The following NECAB1 variants were observed in gnomAD, a reference collection of about 807,000 sequenced individuals.
NECAB1 encodes the protein N-terminal EF-hand calcium binding protein 1.
Under a neutral mutation model 57.5 loss-of-function variants are expected in NECAB1, and 29 were observed. The observed-to-expected ratio is 0.50, with a 90% confidence interval of 0.38 to 0.69. The LOEUF (loss-of-function observed/expected upper bound fraction) is 0.69, where lower values mean the gene tolerates loss of function less well. Ranked by LOEUF, NECAB1 falls within the 30% of genes least tolerant of loss-of-function variation. The pLI, the probability that NECAB1 is intolerant of heterozygous loss-of-function variation, is 0.00. For missense variants in NECAB1, 372 were observed against 413.8 expected (o/e 0.90, Z 0.88); for synonymous variants, 142 against 147.7 (o/e 0.96, Z 0.28).
In NECAB1 at chr8:90,957,959, G is replaced by C. The variant is rs1474235148; in HGVS notation, c.*2447G>C. 1 of 151,248 alleles carries C rather than the reference G, an allele frequency of 6.6e-6. No homozygotes were observed. The highest frequency in any genetic ancestry group is 1.5e-5 in the Non-Finnish European group (1 of 67,608). The allele number at this position is 151,248 out of a possible 1,614,324, so 9.4% of individuals were successfully genotyped here. A position where few individuals can be genotyped will look rare whatever the true frequency, so the allele number is the denominator to read the frequency against. On this transcript the variant is annotated 3_prime_UTR_variant, in exon 13 of 13. Coordinates refer to ENST00000417640, the MANE Select transcript of NECAB1 (RefSeq NM_022351.5). ...AAAAAACAGTGAAAAAAAAAGTACT[G>C]GTTTAGGAGTTCAAAATTCAGTGAA...
rs1328162217 is a variant in NECAB1, at chr8:90,897,872, T to C, written c.357+16742T>C. On this transcript the variant is annotated intron_variant, in intron 5 of 12. Coordinates refer to ENST00000417640, the MANE Select transcript of NECAB1 (RefSeq NM_022351.5). ...TGTAGGCTTAATTTACTAAAAGAAATCAGGACTTACCTCCTGTAAGTCACT... is the reference window on the plus strand; with the variant it reads ...TGTAGGCTTAATTTACTAAAAGAAACCAGGACTTACCTCCTGTAAGTCACT... Among the ~76,000 whole-genome samples the C allele has an allele frequency of 2.0e-5, 3 of 152,186 alleles. No individual in the cohort carries two copies. In the East Asian group the frequency reaches 5.8e-4, roughly 29 times the overall value.
At chr8:90,882,271 A>G (rs1028661868) in intron 5 of NECAB1, among the ~76,000 whole-genome samples, 1 of 152,310 alleles carries the variant, frequency 6.6e-6, no homozygotes, top group African/African-American at 2.4e-5. Context: ...AGAAATGTTG[A>G]TATTTGGAAA....
intron 9 of NECAB1, among the ~76,000 whole-genome samples, chr8:90,936,729 C>G (rs1158593283): frequency 1.3e-5 from 2 of 152,180 alleles, no homozygotes; most frequent in Middle Eastern, 3.2e-3. Context: ...ACCCTAGCAA[C>G]TGCCATCTCT....
intron 3 of NECAB1, among the ~76,000 whole-genome samples, chr8:90,852,428 G>C (rs1477565175): frequency 6.6e-6 from 1 of 152,106 alleles, no homozygotes; most frequent in African/African-American, 2.4e-5. Context: ...CCAGTGATAG[G>C]GACAGGAGGC....
chr8:90,805,209 C>T (rs1811827818), intron 2 of NECAB1, among the ~76,000 whole-genome samples: 1 of 152,114 alleles, frequency 6.6e-6, no homozygotes, highest in Non-Finnish European at 1.5e-5. Flanking sequence ...CCTTCTGTAC[C>T]ATGTGTTCAT....
intron 4 of NECAB1, among the ~76,000 whole-genome samples, chr8:90,874,444 A>C (rs894973729): frequency 6.6e-6 from 1 of 152,366 alleles, no homozygotes; most frequent in Middle Eastern, 3.4e-3. Flanking sequence ...AATTTAACAG[A>C]ATTATGTAGG....
chr8:90,889,887 G>A (rs138116883), intron 5 of NECAB1, among the ~76,000 whole-genome samples: 27 of 152,238 alleles, frequency 1.8e-4, no homozygotes, highest in East Asian at 3.9e-4. Context: ...CAGTGGGAGC[G>A]GAATTAAACT....
intron 7 of NECAB1, among the ~76,000 whole-genome samples, chr8:90,926,135 T>A (rs888371437): frequency 2.0e-5 from 3 of 152,204 alleles, no homozygotes; most frequent in African/African-American, 7.2e-5. Flanking sequence ...TACCCATAAT[T>A]GTTAGGTTAT....
chr8:90,903,175 C>T (rs1809549922), intron 5 of NECAB1, among the ~76,000 whole-genome samples: 1 of 151,156 alleles, frequency 6.6e-6, no homozygotes, highest in Admixed American at 6.6e-5. Flanking sequence ...ATTTATATAC[C>T]ATAAAATTAA....
intron 6 of NECAB1, 109 bp downstream of exon 6, chr8:90,917,737 A>C: frequency 1.9e-6 from 2 of 1,066,990 alleles, no homozygotes; most frequent in Non-Finnish European, 2.5e-6. Context: ...GAGAATTGAT[A>C]TATTTAAAAA....
At chr8:90,805,511 GT>G (rs398068031) in intron 2 of NECAB1, among the ~76,000 whole-genome samples, 73 of 145,650 alleles carry the variant, frequency 5.0e-4, no homozygotes, top group Middle Eastern at 3.4e-3. Flanking sequence ...TTTTTGGTTG[GT>G]TTTTTTTTTT....
chr8:90,836,302 G>A (rs897191441), intron 3 of NECAB1, among the ~76,000 whole-genome samples: 1 of 152,086 alleles, frequency 6.6e-6, no homozygotes, highest in Non-Finnish European at 1.5e-5. Context: ...TCTCTTAAAA[G>A]GTTTCTCACT....
At chr8:90,854,529 C>G (rs1347297627) in intron 3 of NECAB1, among the ~76,000 whole-genome samples, 1 of 152,158 alleles carries the variant, frequency 6.6e-6, no homozygotes, top group East Asian at 1.9e-4. Flanking sequence ...GTCCCCTAAT[C>G]CAGGTCTGTT....
At chr8:90,800,255 G>A (rs1811739206) in intron 1 of NECAB1, among the ~76,000 whole-genome samples, 1 of 152,164 alleles carries the variant, frequency 6.6e-6, no homozygotes, top group African/African-American at 2.4e-5. Context: ...AGTGAAGAGA[G>A]ACCATTTGGC....
chr8:90,906,876 C>CATATATATATATATAT (rs57808023), intron 5 of NECAB1, among the ~76,000 whole-genome samples: 18 of 121,756 alleles, frequency 1.5e-4, no homozygotes, highest in South Asian at 1.1e-3. Context: ...ATGATATACA[C>CATATATATATATATAT]ATATATATAT....
intron 5 of NECAB1, among the ~76,000 whole-genome samples, chr8:90,908,379 T>TC: frequency 6.6e-6 from 1 of 152,278 alleles, no homozygotes; most frequent in South Asian, 2.1e-4. Flanking sequence ...CGAACATAGT[T>TC]CTGTGCTCTT....
chr8:90,796,773 T>A (rs556384912), intron 1 of NECAB1, among the ~76,000 whole-genome samples: 2 of 152,294 alleles, frequency 1.3e-5, no homozygotes, highest in Admixed American at 6.5e-5. Flanking sequence ...CCGGAGTACA[T>A]TTTTTATTAG....
At chr8:90,826,435 G>T (rs565433989) in intron 3 of NECAB1, among the ~76,000 whole-genome samples, 2 of 151,954 alleles carry the variant, frequency 1.3e-5, no homozygotes, top group Non-Finnish European at 2.9e-5. Flanking sequence ...TCCTTAAATC[G>T]CTACTGGGGA....
chr8:90,896,400 C>G (rs893654657), intron 5 of NECAB1, among the ~76,000 whole-genome samples: 1 of 151,960 alleles, frequency 6.6e-6, no homozygotes, highest in Admixed American at 6.6e-5. Context: ...GTCAGGAGAT[C>G]GAGACCATCC....
Sources: allele counts gnomAD v4.1 joint callset (sites outside exome capture counted in the v4.1 genomes callset), GRCh38; gene constraint gnomAD v4.1.1; transcripts MANE v1.5; gene names NCBI Gene and HGNC (gene_info 2026-07-23, HGNC 2026-07-21).